The following GAS6 variants were observed in gnomAD, a reference collection of about 807,000 sequenced individuals.
The protein encoded by GAS6 is growth arrest specific 6, also known as growth arrest-specific protein 6.
Under a neutral mutation model 75.8 loss-of-function variants are expected in GAS6, and 41 were observed. That is an observed-to-expected ratio of 0.54 (90% CI 0.42 to 0.70). GAS6 has a LOEUF of 0.70. Among genes scored for constraint, GAS6 ranks in the 30% least tolerant of loss-of-function variants. The pLI is 0.00. For missense variants in GAS6, 854 were observed against 940.2 expected, an observed-to-expected ratio of 0.91 and a Z score of 1.20; for synonymous variants, 432 against 412.6, an observed-to-expected ratio of 1.05 and a Z score of -0.57.
At chr13:113,838,033 A>G in intron 6 of GAS6, 36 bp downstream of exon 6, 1 of 1,607,422 alleles carries the variant, frequency 6.2e-7, no homozygotes. Context: ...AGGTGGGGAG[A>G]GGAGAGAGGA....
At chr13:113,830,585 G>A (rs371914552) in intron 10 of GAS6, among the ~76,000 whole-genome samples, 2 of 52,380 alleles carry the variant, frequency 3.8e-5, no homozygotes, top group Middle Eastern at 0.016. Context: ...CTGCAACACC[G>A]CTCCCCCAGG....
chr13:113,824,618 G>C (rs910863270), intron 12 of GAS6, among the ~76,000 whole-genome samples: 9 of 152,320 alleles, frequency 5.9e-5, no homozygotes, highest in African/African-American at 2.2e-4. Context: ...CCAAATCACT[G>C]TGTGTACACA....
chr13:113,829,736 C>T (rs1292309165), intron 10 of GAS6, among the ~76,000 whole-genome samples: 1 of 150,700 alleles, frequency 6.6e-6, no homozygotes, highest in Admixed American at 6.6e-5. Context: ...GGGACCTGAC[C>T]TCAGGGAGTC....
At position 113,820,563 on chromosome 13, in the gene GAS6, G is replaced by A; in HGVS notation, c.*301C>T. ...GCCACGCGGTGTTACAAAGCTTTCT[G>A]TAAATATTTTATTTTCCATATTTTA... On this transcript the variant is annotated 3_prime_UTR_variant, in exon 15 of 15. Coordinates refer to ENST00000327773, the MANE Select transcript of GAS6 (RefSeq NM_000820.4). 2.6e-6 allele frequency: 1 copy of A among 390,546 alleles called. No individual in the cohort carries two copies. The highest frequency in any genetic ancestry group is 4.6e-6 in the Non-Finnish European group (1 of 216,418). 24.2% of individuals were successfully genotyped at this position (390,546 alleles called of 1,614,324 possible).
chr13:113,824,205 TCTGAG>T (rs2051502636), intron 12 of GAS6, among the ~76,000 whole-genome samples: 1 of 128,960 alleles, frequency 7.8e-6, no homozygotes, highest in Non-Finnish European at 1.6e-5. Flanking sequence ...CGGTCTGGGG[TCTGAG>T]CTGTCGGGAG....
At chr13:113,838,218 G>C (rs759787334) in intron 5 of GAS6, 27 bp from the exon 6 acceptor site, 3 of 1,610,996 alleles carry the variant, frequency 1.9e-6, no homozygotes, top group Non-Finnish European at 1.7e-6. Context: ...GCCTGAAGGG[G>C]AGCCCAAGGG....
chr13:113,834,785 G>T, intron 7 of GAS6, 113 bp from the exon 8 acceptor site: 1 of 1,208,324 alleles, frequency 8.3e-7, no homozygotes, highest in Non-Finnish European at 1.1e-6. Context: ...GGAATTACAT[G>T]CAGATTCTAA....
chr13:113,828,452 G>T, intron 11 of GAS6, 95 bp downstream of exon 11: 2 of 1,322,666 alleles, frequency 1.5e-6, no homozygotes, highest in Non-Finnish European at 2.1e-6. Flanking sequence ...CTGGTTAATG[G>T]TAAACACAGG....
rs557250327 is a variant in GAS6, at chr13:113,831,381, C to T, written c.1143+918G>A. 1.6e-4 allele frequency among the ~76,000 whole-genome samples: 24 copies of T among 146,968 alleles called. No homozygotes were observed. The South Asian group carries it at 4.2e-3, about 26-fold the overall frequency. ...ACGCCGTCCTACAGGGAAGGGTGGG[C>T]GGGCGGCGCCTGGCCTGGCCACGGC... is the stretch of plus-strand genomic sequence containing the variant. On this transcript the variant is annotated intron_variant, in intron 10 of 14. Transcript: ENST00000327773.
At position 113,820,800 on chromosome 13, in the gene GAS6, G is replaced by GC; in HGVS notation, c.*63dup. On this transcript the variant is annotated 3_prime_UTR_variant, in exon 15 of 15. Coordinates refer to ENST00000327773, the MANE Select transcript of GAS6 (RefSeq NM_000820.4). ...TCAGCATGGCCCCACGTGGTGAGGA[G>GC]CCCCCAGGCTCCTCCCGGCTGTCTC... is the stretch of plus-strand genomic sequence containing the variant. 6 of 1,543,276 alleles carry GC rather than the reference G, an allele frequency of 3.9e-6. No homozygotes were observed. The highest frequency in any genetic ancestry group is 5.3e-6 in the Non-Finnish European group (6 of 1,141,768).
chr13:113,857,722 C>A (rs1038766460), intron 2 of GAS6, among the ~76,000 whole-genome samples: 2 of 152,174 alleles, frequency 1.3e-5, no homozygotes, highest in Admixed American at 1.3e-4. Context: ...TGTTTTGTTC[C>A]TAAATAACAA....
intron 4 of GAS6, chr13:113,840,131 G>A (rs1566366067): frequency 4.6e-6 from 2 of 433,530 alleles, no homozygotes; most frequent in East Asian, 9.4e-5. Flanking sequence ...GGGCAAAGGA[G>A]CAGGAACTGC....
At chr13:113,855,156 G>A (rs2051904431) in intron 2 of GAS6, among the ~76,000 whole-genome samples, 1 of 151,596 alleles carries the variant, frequency 6.6e-6, no homozygotes, top group Non-Finnish European at 1.5e-5. Flanking sequence ...GTGTGGACTC[G>A]GTCCCCATCT....
rs768755984 is a variant in GAS6 at position 113,863,615 on chromosome 13, C to T, written c.215G>A (p.Arg72His). 48 of 1,526,532 alleles carry T rather than the reference C, an allele frequency of 3.1e-5. No homozygotes were observed. In the Admixed American group the frequency reaches 9.3e-4, roughly 30 times the overall value. The allele number at this position is 1,526,532 out of a possible 1,614,324, so 94.6% of individuals were successfully genotyped here. A position where few individuals can be genotyped will look rare whatever the true frequency, so the allele number is the denominator to read the frequency against. ...CTCGAACACCTCCCGCGCCTCCTCGCGGCTGCACAGCTCCTCCACGCACTC... is the reference window on the plus strand; with the variant it reads ...CTCGAACACCTCCCGCGCCTCCTCGTGGCTGCACAGCTCCTCCACGCACTC... ...ERECVEELCS[R>H]EEAREVFEND... The change falls in exon 2 of 15, where the codon CGC (arginine) becomes CAC (histidine). Residue 72 changes from arginine (R) to histidine (H), a missense_variant. Arg to His is a conservative substitution (Grantham distance 29). Coordinates refer to ENST00000327773, the MANE Select transcript of GAS6 (RefSeq NM_000820.4). The surrounding 1 kb of genome is among the most constrained non-coding windows in gnomAD (Gnocchi z 9.4).
In GAS6 at chr13:113,863,760, G is replaced by A. The variant is rs1175923413; in HGVS notation, c.89-19C>T. On this transcript the variant is annotated intron_variant, in intron 1 of 14. Transcript: ENST00000327773. This position sits in a 1 kb window ranked among gnomAD's most constrained non-coding sequence, Gnocchi z 9.4. ...AGCGCGGCTGCCCGGAGGGAGAGAG[G>A]GGGACGCGTCAAGCCGCGCCCGGAG... is the stretch of plus-strand genomic sequence containing the variant. 4 of 1,473,458 alleles carry A rather than the reference G, an allele frequency of 2.7e-6. No individual in the cohort carries two copies. The highest frequency in any genetic ancestry group is 2.6e-5 in the South Asian group (2 of 77,782). The allele number at this position is 1,473,458 out of a possible 1,614,324, so 91.3% of individuals were successfully genotyped here.
At chr13:113,859,350 GTC>G (rs1257441223) in intron 2 of GAS6, among the ~76,000 whole-genome samples, 1 of 150,470 alleles carries the variant, frequency 6.6e-6, no homozygotes, top group Non-Finnish European at 1.5e-5. Flanking sequence ...ATGTGTACAT[GTC>G]TGTGTGACTG....
At chr13:113,832,835 G>A in intron 8 of GAS6, 83 bp from the exon 9 acceptor site, 1 of 1,599,814 alleles carries the variant, frequency 6.3e-7, no homozygotes, top group Non-Finnish European at 8.5e-7. Flanking sequence ...CCGCGCAGCG[G>A]GTCCACTGTC....
At chr13:113,856,341 G>C (rs900985166) in intron 2 of GAS6, among the ~76,000 whole-genome samples, 4 of 152,170 alleles carry the variant, frequency 2.6e-5, no homozygotes, top group African/African-American at 9.7e-5. Context: ...GTTAATGACA[G>C]AGTGTGGGGC....
At position 113,835,606 on chromosome 13, in the gene GAS6, AG is replaced by A; in HGVS notation, c.618del (p.Cys207AlafsTer46). The A allele has an allele frequency of 6.2e-7, 1 of 1,612,244 alleles. No individual in the cohort carries two copies. The highest frequency in any genetic ancestry group is 2.2e-5 in the East Asian group (1 of 44,870). The part of the protein sequence containing the change: ...QDIDECADSE[A>X]CGEARCKNLP... ...AGGTTCTTGCAGCGCGCCTCCCCGC[AG>A]GCCTCCGAGTCTGCGCACTCGTCTA... is the stretch of plus-strand genomic sequence containing the variant. On this transcript the variant is annotated frameshift_variant, in exon 7 of 15. Transcript: ENST00000327773.
Sources: gnomAD v4.1 joint callset for allele counts (sites outside exome capture counted in the v4.1 genomes callset) on GRCh38, gnomAD v4.1.1 for gene constraint, Gnocchi (gnomAD v3.1) non-coding constraint, MANE v1.5 for transcripts, NCBI Gene and HGNC (gene_info 2026-07-23, HGNC 2026-07-21) for gene names.